ACIN1: variants seen among roughly 807,000 people sequenced by gnomAD.
The protein encoded by ACIN1 is apoptotic chromatin condensation inducer in the nucleus.
In ACIN1, 16 loss-of-function variants were observed where a neutral mutation model predicts 146.6. That is an observed-to-expected ratio of 0.11 (90% CI 0.07 to 0.17). The LOEUF (loss-of-function observed/expected upper bound fraction) is 0.17. ACIN1 is among the 10% of genes least tolerant of loss of function. ACIN1 has a pLI of 1.00. For synonymous variants in ACIN1, 569 were observed against 582.7 expected (o/e 0.98, Z 0.34); for missense variants, 1,357 against 1,609.3 (o/e 0.84, Z 2.68).
chr14:23,062,566 A>T, intron 14 of ACIN1, 43 bp from the exon 15 acceptor site: 2 of 1,537,822 alleles, frequency 1.3e-6, no homozygotes, highest in Non-Finnish European at 9.0e-7. Context: ...AGAAGGCAAG[A>T]CCACCACCCA....
intron 4 of ACIN1, among the ~76,000 whole-genome samples, chr14:23,084,632 A>C (rs1221942752): frequency 2.6e-5 from 4 of 151,934 alleles, no homozygotes; most frequent in Non-Finnish European, 5.9e-5. Flanking sequence ...AAAAAAAAAA[A>C]ACCCAAAATG....
At chr14:23,092,894 C>T (rs1054680892) in intron 2 of ACIN1, among the ~76,000 whole-genome samples, 4 of 152,094 alleles carry the variant, frequency 2.6e-5, no homozygotes, top group African/African-American at 9.7e-5. Context: ...AGTTATAAAC[C>T]CATGGGTTTA....
At chr14:23,071,044 G>A in intron 8 of ACIN1, 1 of 1,434,986 alleles carries the variant, frequency 7.0e-7, no homozygotes, top group Non-Finnish European at 9.6e-7. Flanking sequence ...AAGACGGAAT[G>A]AAAGCCATGA....
At chr14:23,071,212 C>T (rs2047636365) in intron 8 of ACIN1, 5 of 1,513,650 alleles carry the variant, frequency 3.3e-6, no homozygotes, top group Non-Finnish European at 4.4e-6. Flanking sequence ...TAACAAAAAC[C>T]AAACAAAAAA....
rs535883006 is a variant in ACIN1, at chr14:23,058,804, C to T, written c.*344G>A. 115 of 325,664 alleles carry T rather than the reference C, an allele frequency of 3.5e-4. No individual in the cohort carries two copies. The East Asian group carries it at 6.2e-3, about 17-fold the overall frequency. 20.2% of individuals were successfully genotyped at this position (325,664 alleles called of 1,614,324 possible). ...GGCCCCGGCTGTTCCCAAGAGAAGGCTGTAAGTACCCAGGGAGGTGGTAAG... is the reference window on the plus strand; with the variant it reads ...GGCCCCGGCTGTTCCCAAGAGAAGGTTGTAAGTACCCAGGGAGGTGGTAAG... On this transcript the variant is annotated 3_prime_UTR_variant, in exon 19 of 19. Coordinates refer to ENST00000605057, the MANE Select transcript of ACIN1 (RefSeq NM_001386863.1).
intron 14 of ACIN1, 92 bp downstream of exon 14, chr14:23,062,837 C>T (rs998989035): frequency 7.4e-7 from 1 of 1,342,848 alleles, no homozygotes; most frequent in Non-Finnish European, 1.0e-6. Flanking sequence ...ATTGGTAGAC[C>T]AGTTCAACTA....
At position 23,068,206 on chromosome 14, in the gene ACIN1, C is replaced by T; in HGVS notation, c.2265+1270G>A. On this transcript the variant is annotated intron_variant, in intron 9 of 18. Transcript: ENST00000605057. The surrounding 1 kb of genome is among the most constrained non-coding windows in gnomAD (Gnocchi z 4.3). Reference sequence around the variant, plus strand: ...GTCACAGCTTAAGTAGAGGGTCCCACTCAGTGTTTTACAGCATGGCACTGC... The same window carrying T: ...GTCACAGCTTAAGTAGAGGGTCCCATTCAGTGTTTTACAGCATGGCACTGC... 3.0e-5 allele frequency: 30 copies of T among 985,918 alleles called. No homozygotes were observed. Among genetic ancestry groups the T allele is most frequent in the Non-Finnish European group, 3.6e-5 (30 of 829,962 alleles). 61.1% of individuals were successfully genotyped at this position (985,918 alleles called of 1,614,324 possible).
In ACIN1 at chr14:23,079,905, T is replaced by C. The variant is rs773557474; in HGVS notation, c.1430A>G (p.Glu477Gly). ...SAQPLPLKIE[E>G]LALAKGITEE... is the part of the protein sequence containing the mutation. ...AGTGATTCCTTTGGCCAGTGCTAAT[T>C]CCTCAATTTTTAGAGGGAGGGGCTG... Residue 477 changes from glutamate (E) to glycine (G), a missense_variant, in exon 6 of 19, where the codon GAA becomes GGA. This residue lies in a region of ACIN1 where 771 missense variants were observed against 746.6 expected (regional missense o/e 1.03). Coordinates refer to ENST00000605057, the MANE Select transcript of ACIN1 (RefSeq NM_001386863.1). 5.0e-6 allele frequency: 8 copies of C among 1,614,196 alleles called. No individual in the cohort carries two copies. In the East Asian group the frequency reaches 1.1e-4, roughly 22 times the overall value.
intron 2 of ACIN1, among the ~76,000 whole-genome samples, chr14:23,091,786 G>A (rs988493963): frequency 3.3e-5 from 5 of 152,046 alleles, no homozygotes; most frequent in Non-Finnish European, 7.4e-5. Context: ...ACCACAACCA[G>A]CTCATTTTTG....
rs1594754960 is a variant in ACIN1, at chr14:23,069,536, T to C, written c.2205A>G (p.Ala735=). ...NDVPEPPMPI[A]DQVSNDDRPE... The stretch of plus-strand genomic sequence containing the variant: ...GGCGGTCATCATTGCTGACTTGGTC[T>C]GCAATAGGCATGGGAGGTTCTGGAA... The change falls in exon 9 of 19, where the codon GCA becomes GCG. Residue 735 remains alanine, a synonymous_variant. Transcript: ENST00000605057. 2 of 1,613,808 alleles carry C rather than the reference T, an allele frequency of 1.2e-6. No homozygotes were observed. Among genetic ancestry groups the C allele is most frequent in the East Asian group, 4.5e-5 (2 of 44,850 alleles).
rs754556007 is a variant in ACIN1, at chr14:23,080,643, T to C, written c.692A>G (p.Asp231Gly). 4.3e-6 allele frequency: 7 copies of C among 1,613,950 alleles called. No individual in the cohort carries two copies. In the Admixed American group the frequency reaches 5.0e-5, roughly 12 times the overall value. Reference sequence around the variant, plus strand: ...CTCCCTAGATTTTTGTCCCTCATCATCACCTTCCTCTTCTTCATCATCTTC... The same window carrying C: ...CTCCCTAGATTTTTGTCCCTCATCACCACCTTCCTCTTCTTCATCATCTTC... ...EEEDDEEEEG[D>G]DEGQKSREAP... The change falls in exon 6 of 19, where the codon GAT (aspartate) becomes GGT (glycine). Residue 231 changes from aspartate (D) to glycine (G), a missense_variant. This residue lies in a region of ACIN1 where 771 missense variants were observed against 746.6 expected (regional missense o/e 1.03). Coordinates refer to ENST00000605057, the MANE Select transcript of ACIN1 (RefSeq NM_001386863.1).
chr14:23,064,973 C>G (rs1334334498), intron 10 of ACIN1, among the ~76,000 whole-genome samples: 6 of 151,098 alleles, frequency 4.0e-5, no homozygotes, highest in Non-Finnish European at 7.4e-5. Flanking sequence ...GATCTAAAAG[C>G]AGTAAGGGAG....
chr14:23,059,956 G>GTTTTTTTTTTTT lies in ACIN1; in HGVS notation c.3526-494_3526-483dup, dbSNP rs397830741. ...AGGCGTGAGCCACCGCGCCCCGCCA[G>GTTTTTTTTTTTT]TTTTTTTTTTTTTTTTTTTTTGAGA... On this transcript the variant is annotated intron_variant, in intron 18 of 18. Coordinates refer to ENST00000605057, the MANE Select transcript of ACIN1 (RefSeq NM_001386863.1). Among the ~76,000 whole-genome samples, 16 of 100,136 alleles carry GTTTTTTTTTTTT rather than the reference G, an allele frequency of 1.6e-4. 1 individual carries two copies. The highest frequency in any genetic ancestry group is 5.0e-4 in the African/African-American group (12 of 24,204). The allele number at this position is 100,136 out of a possible 152,430, so 65.7% of individuals were successfully genotyped here.
At chr14:23,095,151 G>A (rs766284229), upstream of ACIN1, 2 of 1,614,212 alleles carry the variant, frequency 1.2e-6, no homozygotes, top group Non-Finnish European at 1.7e-6. Context: ...ACGGCTTCGG[G>A]CATCTTCGGT....
Position 23,095,087 on chromosome 14 carries a change from A to G in ACIN1, c.26T>C (p.Leu9Pro), listed in dbSNP as rs199783963. Residue 9 changes from leucine to proline, a missense_variant, in exon 1 of 19, where the codon CTG becomes CCG. Physicochemically the swap from Leu to Pro is moderately conservative, Grantham distance 98 (BLOSUM62 -3). Transcript: ENST00000605057. ...CAGCGCCTGAAGAGGCTTCCCGTCC[A>G]GAGTCACCTCCTCCAGCTCCGCCAT... MAELEEVT[L>P]DGKPLQALRV... 1 of 1,614,212 alleles carries G rather than the reference A, an allele frequency of 6.2e-7. No individual in the cohort carries two copies.
chr14:23,082,330 G>A (rs2047965059), intron 4 of ACIN1, among the ~76,000 whole-genome samples: 2 of 151,806 alleles, frequency 1.3e-5, no homozygotes, highest in South Asian at 2.1e-4. Flanking sequence ...TAAATACTTA[G>A]AGGAATGTTT....
rs2139994442 is a variant in ACIN1, at chr14:23,061,466, C to G, written c.3256G>C (p.Glu1086Gln). The change falls in exon 17 of 19, where the codon GAA becomes CAA. Residue 1086 changes from glutamate (E) to glutamine (Q), a missense_variant. Around this residue, in one of 4 missense-constraint regions of ACIN1, gnomAD observed 509 missense variants for 719.6 expected, o/e 0.71. Transcript: ENST00000605057. Reference sequence around the variant, plus strand: ...TCCCGTTCCCGTTCTGCCCACTGTTCCCGCACTGCCCGTTCCTGCTCCCGC... The same window carrying G: ...TCCCGTTCCCGTTCTGCCCACTGTTGCCGCACTGCCCGTTCCTGCTCCCGC... ...EQREQERAVR[E>Q]QWAEREREME... is the part of the protein sequence containing the mutation. The G allele has an allele frequency of 5.0e-6, 8 of 1,613,398 alleles. No individual in the cohort carries two copies. The highest frequency in any genetic ancestry group is 6.8e-6 in the Non-Finnish European group (8 of 1,179,910).
At position 23,080,439 on chromosome 14, in the gene ACIN1, T is replaced by C; in HGVS notation, c.896A>G (p.Gln299Arg). ...AGATGTTGTTTTCATTTCCTTCTCC[T>C]GCTGCTGTCTGGCCAGATGACTTTT... is the stretch of plus-strand genomic sequence containing the variant. ...ARKSHLARQQQEKEMKTTSPL... is the reference protein window; with the variant it reads ...ARKSHLARQQREKEMKTTSPL... The change falls in exon 6 of 19, where the codon CAG becomes CGG. Residue 299 changes from glutamine to arginine, a missense_variant. Physicochemically the swap from Gln to Arg is conservative, Grantham distance 43 (BLOSUM62 1). Coordinates refer to ENST00000605057, the MANE Select transcript of ACIN1 (RefSeq NM_001386863.1). 2.5e-6 allele frequency: 4 copies of C among 1,614,212 alleles called. No individual in the cohort carries two copies. The highest frequency in any genetic ancestry group is 2.7e-5 in the African/African-American group (2 of 75,052).
rs545679768 is a variant in ACIN1, at chr14:23,061,478, G to A, written c.3244C>T (p.Arg1082Trp). 7 of 1,562,816 alleles carry A rather than the reference G, an allele frequency of 4.5e-6. No individual in the cohort carries two copies. Among genetic ancestry groups the A allele is most frequent in the Non-Finnish European group, 5.2e-6 (6 of 1,151,610 alleles). Residue 1082 changes from arginine to tryptophan, a missense_variant, in exon 17 of 19, where the codon CGG (arginine) becomes TGG (tryptophan). Arg to Trp is a moderately radical substitution (Grantham distance 101). Around this residue, in one of 4 missense-constraint regions of ACIN1, gnomAD observed 509 missense variants for 719.6 expected, o/e 0.71. Coordinates refer to ENST00000605057, the MANE Select transcript of ACIN1 (RefSeq NM_001386863.1). ...HPRAEQREQE[R>W]AVREQWAERE... ...TCTGCCCACTGTTCCCGCACTGCCC[G>A]TTCCTGCTCCCGCTGCTCTGCCCGG...
Sources: allele counts gnomAD v4.1 joint callset (sites outside exome capture counted in the v4.1 genomes callset), GRCh38; gene constraint gnomAD v4.1.1; regional missense constraint gnomAD v4.1.1; non-coding constraint Gnocchi (gnomAD v3.1); transcripts MANE v1.5; gene names NCBI Gene and HGNC (gene_info 2026-07-23, HGNC 2026-07-21).